Variants in COL4A2 observed in about 807,000 individuals in gnomAD.
COL4A2 encodes collagen alpha-2(IV) chain.
Under a neutral mutation model 200.2 loss-of-function variants are expected in COL4A2, and 99 were observed. That is an observed-to-expected ratio of 0.49 (90% confidence interval 0.42 to 0.58). COL4A2 has a LOEUF of 0.58. Ranked by LOEUF, COL4A2 falls within the 20% of genes least tolerant of loss-of-function variation. The probability of loss-of-function intolerance (pLI) is 0.00; values close to 1 mark genes in which losing one functional copy is unlikely to be tolerated. For synonymous variants in COL4A2, 897 were observed against 900.6 expected (o/e 1.00, Z 0.07); for missense variants, 1,950 against 2,314.1 (o/e 0.84, Z 3.23).
At chr13:110,308,290 A>T (rs777084360) in intron 3 of COL4A2, among the ~76,000 whole-genome samples, 167 bp downstream of exon 3, 6 of 152,054 alleles carry the variant, frequency 3.9e-5, no homozygotes, top group Admixed American at 1.3e-4. Flanking sequence ...TTCCCTCATC[A>T]TGCTTTCCAC....
chr13:110,438,674 C>G lies in COL4A2; in HGVS notation c.912+6C>G. ...TGGGCTTTCCTGGACTGAGGGTAAA[C>G]CACGCCTTTTATAACTGCAGTTGTC... On this transcript the variant is annotated splice_donor_region_variant and intron_variant, in intron 15 of 47. Transcript: ENST00000360467. 1 of 1,614,200 alleles carries G rather than the reference C, an allele frequency of 6.2e-7. No individual in the cohort carries two copies. The highest frequency in any genetic ancestry group is 8.5e-7 in the Non-Finnish European group (1 of 1,180,024).
intron 34 of COL4A2, 31 bp from the exon 35 acceptor site, chr13:110,489,414 G>A (rs1883210559): frequency 6.2e-7 from 1 of 1,610,520 alleles, no homozygotes; most frequent in African/African-American, 1.3e-5. Flanking sequence ...TTCGCTAACA[G>A]CCTTCTAAGA....
chr13:110,393,094 G>A (rs911044528), intron 4 of COL4A2, among the ~76,000 whole-genome samples: 1 of 152,204 alleles, frequency 6.6e-6, no homozygotes, highest in African/African-American at 2.4e-5. Context: ...TTGGCCCACG[G>A]TGGTGCTGAA....
chr13:110,392,334 C>T (rs962393042), intron 4 of COL4A2, among the ~76,000 whole-genome samples: 4 of 152,078 alleles, frequency 2.6e-5, no homozygotes, highest in African/African-American at 7.2e-5. Context: ...ATAGTTGAAA[C>T]GTAAATGGAG....
intron 3 of COL4A2, among the ~76,000 whole-genome samples, chr13:110,315,527 C>T (rs1171414719): frequency 6.6e-6 from 1 of 152,202 alleles, no homozygotes; most frequent in Non-Finnish European, 1.5e-5. Context: ...TCCCAAGTAG[C>T]TGGGATTACA....
chr13:110,485,608 G>T, intron 33 of COL4A2, 47 bp from the exon 34 acceptor site: 1 of 1,475,500 alleles, frequency 6.8e-7, no homozygotes, highest in Non-Finnish European at 9.2e-7. Context: ...CTGGAGGGCG[G>T]GTGCTGCGTC....
At chr13:110,332,415 C>T (rs896761498) in intron 3 of COL4A2, among the ~76,000 whole-genome samples, 1 of 152,202 alleles carries the variant, frequency 6.6e-6, no homozygotes, top group African/African-American at 2.4e-5. Context: ...GTCAGAGATT[C>T]AAATGCAAGA....
At position 110,368,853 on chromosome 13, in the gene COL4A2, G is replaced by C. The variant is rs200619936; in HGVS notation, c.180+11301G>C. ...ATCAACTAAGGCCAAAGAAAAGGGG[G>C]GGGGGGGGTTGAGCTCAATAATAGC... On this transcript the variant is annotated intron_variant, in intron 4 of 47. Coordinates refer to ENST00000360467, the MANE Select transcript of COL4A2 (RefSeq NM_001846.4). Among the ~76,000 whole-genome samples the C allele has an allele frequency of 5.9e-3, 309 of 52,700 alleles. 2 individuals carry two copies. Among genetic ancestry groups the C allele is most frequent in the African/African-American group, 0.018 (298 of 16,730 alleles). 34.6% of individuals were successfully genotyped at this position (52,700 alleles called of 152,430 possible).
chr13:110,393,276 T>C (rs183969666), intron 4 of COL4A2, among the ~76,000 whole-genome samples: 3 of 152,360 alleles, frequency 2.0e-5, no homozygotes, highest in Admixed American at 2.0e-4. Flanking sequence ...AATTAAAATA[T>C]AAAACTGAAC....
At position 110,458,781 on chromosome 13, in the gene COL4A2, G is replaced by C. The variant is rs1881886350; in HGVS notation, c.1443G>C (p.Gly481=). The C allele has an allele frequency of 6.2e-7, 1 of 1,613,932 alleles. No homozygotes were observed. The highest frequency in any genetic ancestry group is 1.1e-5 in the South Asian group (1 of 91,076). ...CTCCCTCCTCTGCAGGTGACGCTGG[G>C]GAATGCAGATGTACAGAAGGCGACG... is the stretch of plus-strand genomic sequence containing the variant. ...RGPKGWKGDA[G]ECRCTEGDEA... Residue 481 remains glycine (G), a synonymous_variant, in exon 22 of 48, where the codon GGG becomes GGC. Transcript: ENST00000360467.
At chr13:110,488,088 A>C (rs549165788) in intron 34 of COL4A2, among the ~76,000 whole-genome samples, 50 of 152,288 alleles carry the variant, frequency 3.3e-4, no homozygotes, top group African/African-American at 1.2e-3. Context: ...GTGCAATGGC[A>C]TGATCTTAGC....
chr13:110,453,871 G>A (rs1881627785), intron 20 of COL4A2, among the ~76,000 whole-genome samples: 1 of 152,170 alleles, frequency 6.6e-6, no homozygotes, highest in African/African-American at 2.4e-5. Context: ...CCACCATAAT[G>A]GCCTTTAGAA....
At chr13:110,473,472 G>A in intron 29 of COL4A2, 1 of 307,718 alleles carries the variant, frequency 3.2e-6, no homozygotes, top group Non-Finnish European at 6.0e-6. Context: ...GGCAGAATCT[G>A]TACAGGTGGT....
At chr13:110,511,634 T>G (rs1443907085) in intron 47 of COL4A2, among the ~76,000 whole-genome samples, 1 of 152,242 alleles carries the variant, frequency 6.6e-6, no homozygotes, top group Non-Finnish European at 1.5e-5. Flanking sequence ...TATCTACCGC[T>G]CGTATCTGCT....
intron 40 of COL4A2, among the ~76,000 whole-genome samples, chr13:110,497,010 C>A (rs945433495): frequency 1.3e-5 from 2 of 151,102 alleles, no homozygotes; most frequent in African/African-American, 4.9e-5. Flanking sequence ...ACCAGCACAG[C>A]CTCAGTCAGG....
chr13:110,370,274 T>A (rs771011285), intron 4 of COL4A2, among the ~76,000 whole-genome samples: 5 of 152,248 alleles, frequency 3.3e-5, no homozygotes, highest in Middle Eastern at 3.4e-3. Context: ...TGTTTTGTTT[T>A]GTTTTTTGAG....
At chr13:110,467,171 A>G (rs1882277117) in intron 27 of COL4A2, 75 bp downstream of exon 27, 42 of 1,584,024 alleles carry the variant, frequency 2.7e-5, no homozygotes, top group Non-Finnish European at 3.5e-5. Flanking sequence ...TCCCCCGCCC[A>G]TCTTTCCTCT....
rs773593440 is a variant in COL4A2 at position 110,503,860 on chromosome 13, T to G, written c.4152T>G (p.Thr1384=). ...TTTCCCTTCCAGGTGCCCCCGGGAC[T>G]GTGGGAGCCCCCGGGATTGCAGGAA... is the stretch of plus-strand genomic sequence containing the variant. ...GDPGFPGAPG[T]VGAPGIAGIP... is the part of the protein sequence containing the mutation. Residue 1384 remains threonine (T), a synonymous_variant, in exon 44 of 48, where the codon ACT becomes ACG. Transcript: ENST00000360467. 2 of 1,613,932 alleles carry G rather than the reference T, an allele frequency of 1.2e-6. No homozygotes were observed. Among genetic ancestry groups the G allele is most frequent in the Non-Finnish European group, 1.7e-6 (2 of 1,179,882 alleles).
At chr13:110,485,864 T>C (rs1246960463) in intron 34 of COL4A2, 28 bp downstream of exon 34, 2 of 1,610,398 alleles carry the variant, frequency 1.2e-6, no homozygotes, top group Non-Finnish European at 1.7e-6. Flanking sequence ...ACTCCCCTTG[T>C]TCTGTGAGCT....
Sources: gnomAD v4.1 joint callset for allele counts (sites outside exome capture counted in the v4.1 genomes callset) on GRCh38, gnomAD v4.1.1 for gene constraint, MANE v1.5 for transcripts, NCBI Gene and HGNC (gene_info 2026-07-23, HGNC 2026-07-21) for gene names.